RGL1: variants seen among roughly 807,000 people sequenced by gnomAD.
The protein encoded by RGL1 is ral guanine nucleotide dissociation stimulator-like 1.
A neutral mutation model predicts 95.2 loss-of-function variants in RGL1; 24 were observed. The ratio of observed to expected loss-of-function variants is 0.25; its 90% confidence interval spans 0.18 to 0.35. The LOEUF (loss-of-function observed/expected upper bound fraction) is 0.35, where lower values mean the gene tolerates loss of function less well. RGL1 is among the 10% of genes least tolerant of loss of function. The pLI is 1.00. For synonymous variants in RGL1, 329 were observed against 344.9 expected (o/e 0.95, Z 0.51); for missense variants, 715 against 936.3 (o/e 0.76, Z 3.08).
At chr1:183,772,379 C>T (rs1659327249) in intron 2 of RGL1, among the ~76,000 whole-genome samples, 1 of 152,230 alleles carries the variant, frequency 6.6e-6, no homozygotes, top group Non-Finnish European at 1.5e-5. Flanking sequence ...AAGCGAGCCA[C>T]ACCTCCGTCA....
At chr1:183,638,146 G>A (rs752021688) in intron 1 of RGL1, among the ~76,000 whole-genome samples, 1 of 151,882 alleles carries the variant, frequency 6.6e-6, no homozygotes, top group African/African-American at 2.4e-5. Context: ...TTTCTTATTT[G>A]AGAACTATGA....
intron 2 of RGL1, among the ~76,000 whole-genome samples, chr1:183,831,162 A>G (rs1268856589): frequency 6.6e-6 from 1 of 152,208 alleles, no homozygotes; most frequent in East Asian, 1.9e-4. Context: ...GGGAAGTGTG[A>G]CACTGACCAG....
At position 183,910,716 on chromosome 1, in the gene RGL1, T is replaced by C. The variant is rs1668599157; in HGVS notation, c.1563-1366T>C. The stretch of plus-strand genomic sequence containing the variant: ...GTCATCTAGTTCATGATTTTTTTCT[T>C]CAAGTTATTTAATCCTTCCACTGAG... On this transcript the variant is annotated intron_variant, in intron 14 of 17. Coordinates refer to ENST00000360851, the MANE Select transcript of RGL1 (RefSeq NM_001297671.3). Among the ~76,000 whole-genome samples, 2 of 152,230 alleles carry C rather than the reference T, an allele frequency of 1.3e-5. 1 individual carries two copies. Among genetic ancestry groups the C allele is most frequent in the Non-Finnish European group, 2.9e-5 (2 of 68,042 alleles).
chr1:183,926,111 T>C lies in RGL1; in HGVS notation c.2126T>C (p.Val709Ala), dbSNP rs1669600089. The change falls in exon 18 of 18, where the codon GTG becomes GCG. Residue 709 changes from valine (V) to alanine (A), a missense_variant. This residue lies in a region of RGL1 where 330 missense variants were observed against 429.6 expected (regional missense o/e 0.77). Transcript: ENST00000360851. ...CTTTCCTTATCTTTTTCAGAACTTG[T>C]GATTCCAGACTCAGCAAATGTCTTT... is the stretch of plus-strand genomic sequence containing the variant. Reference protein sequence around the residue: ...VQVISEDKELVIPDSANVFYA... With the variant: ...VQVISEDKELAIPDSANVFYA... 3.1e-6 allele frequency: 5 copies of C among 1,613,314 alleles called. No homozygotes were observed. The highest frequency in any genetic ancestry group is 8.5e-7 in the Non-Finnish European group (1 of 1,179,536).
At position 183,724,522 on chromosome 1, in the gene RGL1, C is replaced by A. The variant is rs1656199923; in HGVS notation, c.-32-17604C>A. ...GGCCTTAAGTGAACATCAGCAGTAG[C>A]CTGGCAGTACTCCTCACAGGCCTGT... On this transcript the variant is annotated intron_variant, in intron 1 of 18. Transcript: ENST00000304685. This position sits in a 1 kb window ranked among gnomAD's most constrained non-coding sequence, Gnocchi z 4.1. Among the ~76,000 whole-genome samples the A allele has an allele frequency of 6.6e-6, 1 of 152,108 alleles. No individual in the cohort carries two copies. The highest frequency in any genetic ancestry group is 1.5e-5 in the Non-Finnish European group (1 of 68,016).
chr1:183,843,593 G>GTTC (rs1664210304), intron 2 of RGL1, among the ~76,000 whole-genome samples: 2 of 152,284 alleles, frequency 1.3e-5, no homozygotes, highest in Non-Finnish European at 2.9e-5. Flanking sequence ...TGAAAAAATA[G>GTTC]TTCTTTTAAA....
chr1:183,658,813 G>C (rs560829199), intron 1 of RGL1, among the ~76,000 whole-genome samples: 1 of 152,300 alleles, frequency 6.6e-6, no homozygotes, highest in East Asian at 1.9e-4. Flanking sequence ...GCACCCCCCA[G>C]TAGGGGCAGA....
chr1:183,912,400 C>A, intron 15 of RGL1, 132 bp downstream of exon 15: 1 of 734,926 alleles, frequency 1.4e-6, no homozygotes, highest in South Asian at 2.2e-5. Context: ...GAACAGGCAT[C>A]AAAAGAAGAG....
Position 183,912,073 on chromosome 1 carries a change from T to C in RGL1, c.1563-9T>C. ...CAGCCCAAATGCTTGGCATTCTGTT[T>C]TTTTCCAGACTGTTTCTAGGGTCTG... On this transcript the variant is annotated splice_polypyrimidine_tract_variant and intron_variant, in intron 14 of 17. Coordinates refer to ENST00000360851, the MANE Select transcript of RGL1 (RefSeq NM_001297671.3). 1 of 1,608,758 alleles carries C rather than the reference T, an allele frequency of 6.2e-7. No homozygotes were observed.
chr1:183,900,815 A>G (rs111641305), intron 11 of RGL1, among the ~76,000 whole-genome samples: 4,716 of 151,432 alleles, frequency 0.031, 77 homozygotes, highest in South Asian at 0.045. Context: ...CCCACAATGA[A>G]CTCTTATGAG....
At chr1:183,912,405 G>C in intron 15 of RGL1, 137 bp downstream of exon 15, 1 of 712,480 alleles carries the variant, frequency 1.4e-6, no homozygotes, top group Non-Finnish European at 2.2e-6. Context: ...GGCATCAAAA[G>C]AAGAGTTCAA....
intron 13 of RGL1, among the ~76,000 whole-genome samples, chr1:183,905,399 C>T (rs1414694990): frequency 6.8e-6 from 1 of 146,810 alleles, no homozygotes; most frequent in East Asian, 2.2e-4. Context: ...GGTTGAGAGA[C>T]TCATGAAACT....
intron 1 of RGL1, among the ~76,000 whole-genome samples, chr1:183,695,396 C>CATTAAAAA (rs1484065077): frequency 1.3e-5 from 2 of 152,178 alleles, no homozygotes; most frequent in Non-Finnish European, 2.9e-5. Context: ...ACTTGCTAGA[C>CATTAAAAA]TCGTAAAGCA....
At chr1:183,665,410 TAGTA>T (rs1403702383) in intron 1 of RGL1, among the ~76,000 whole-genome samples, 3 of 152,222 alleles carry the variant, frequency 2.0e-5, no homozygotes, top group Admixed American at 6.5e-5. Context: ...TAAAATGAGT[TAGTA>T]AGTCTTTCAC....
chr1:183,666,190 A>G (rs1652027442), intron 1 of RGL1, among the ~76,000 whole-genome samples: 1 of 151,612 alleles, frequency 6.6e-6, no homozygotes, highest in African/African-American at 2.4e-5. Flanking sequence ...TTTTTAGTAG[A>G]GACAGGGTTT....
chr1:183,755,965 C>T (rs566230251), intron 2 of RGL1, among the ~76,000 whole-genome samples: 105 of 150,606 alleles, frequency 7.0e-4, no homozygotes, highest in Admixed American at 1.1e-3. Context: ...CTCACTGCAA[C>T]CTCTGCCTCC....
At chr1:183,821,353 T>C (rs1049249844) in intron 2 of RGL1, among the ~76,000 whole-genome samples, 2 of 152,140 alleles carry the variant, frequency 1.3e-5, no homozygotes, top group Non-Finnish European at 1.5e-5. Flanking sequence ...CAGAACAGAA[T>C]GGAATAGAAA....
At chr1:183,760,713 A>G (rs949455655) in intron 2 of RGL1, among the ~76,000 whole-genome samples, 1 of 152,088 alleles carries the variant, frequency 6.6e-6, no homozygotes, top group African/African-American at 2.4e-5. Flanking sequence ...TGATTGCACC[A>G]CTGCACTCCA....
rs114181742 is a variant in RGL1, at chr1:183,712,070, C to A, written c.-32-30056C>A. 3.7e-3 allele frequency among the ~76,000 whole-genome samples: 562 copies of A among 152,194 alleles called. 2 individuals are homozygous for A. Among genetic ancestry groups the A allele is most frequent in the Non-Finnish European group, 6.6e-3 (451 of 68,000 alleles). On this transcript the variant is annotated intron_variant, in intron 1 of 18. Coordinates refer to the RGL1 transcript ENST00000304685. ...TAAAGTATTTTCCAAATTTGAAGAG[C>A]CATGGAAATGAGAAAAATAATTACT...
Sources: allele counts gnomAD v4.1 joint callset (sites outside exome capture counted in the v4.1 genomes callset), GRCh38; gene constraint gnomAD v4.1.1; regional missense constraint gnomAD v4.1.1; non-coding constraint Gnocchi (gnomAD v3.1); transcripts MANE v1.5; gene names NCBI Gene and HGNC (gene_info 2026-07-23, HGNC 2026-07-21).